The following DTX2 variants were observed in gnomAD, a reference collection of about 807,000 sequenced individuals.
DTX2 encodes the protein probable E3 ubiquitin-protein ligase DTX2.
In DTX2, 29 loss-of-function variants were observed where a neutral mutation model predicts 55.3. The observed-to-expected ratio is 0.52, with a 90% confidence interval of 0.39 to 0.71. The LOEUF is 0.71. Among genes scored for constraint, DTX2 ranks in the 30% least tolerant of loss-of-function variants. The pLI is 0.00. For missense variants in DTX2, 537 were observed against 822.5 expected, an observed-to-expected ratio of 0.65 and a Z score of 4.25; for synonymous variants, 276 against 340.4, an observed-to-expected ratio of 0.81 and a Z score of 2.08.
intron 7 of DTX2, among the ~76,000 whole-genome samples, chr7:76,500,812 G>C (rs1275950930): frequency 6.6e-6 from 1 of 152,068 alleles, no homozygotes; most frequent in East Asian, 1.9e-4. Flanking sequence ...ACAAGGGATG[G>C]GCCAGCCTGC....
intron 4 of DTX2, among the ~76,000 whole-genome samples, chr7:76,484,632 C>G (rs1378909145): frequency 6.6e-6 from 1 of 151,628 alleles, no homozygotes; most frequent in African/African-American, 2.4e-5. Flanking sequence ...TGGCCCTGGT[C>G]GGCATCCTGC....
chr7:76,476,491 G>A (rs536824161), intron 2 of DTX2, among the ~76,000 whole-genome samples: 2 of 152,100 alleles, frequency 1.3e-5, no homozygotes, highest in East Asian at 3.9e-4. Flanking sequence ...CTGCCCTCAG[G>A]GAGTTTCTGT....
chr7:76,499,630 A>T (rs967864691), intron 6 of DTX2, among the ~76,000 whole-genome samples: 1 of 145,940 alleles, frequency 6.9e-6, no homozygotes, highest in African/African-American at 2.5e-5. Context: ...TCACCCCCGC[A>T]CGGGCTTGGC....
Position 76,505,721 on chromosome 7 carries a change from GC to G in DTX2, c.*124del. The G allele has an allele frequency of 2.8e-6, 3 of 1,080,856 alleles. No homozygotes were observed. Among genetic ancestry groups the G allele is most frequent in the Non-Finnish European group, 4.0e-6 (3 of 759,362 alleles). The allele number at this position is 1,080,856 out of a possible 1,614,324, so 67.0% of individuals were successfully genotyped here. On this transcript the variant is annotated 3_prime_UTR_variant, in exon 11 of 11. Transcript: ENST00000430490. The surrounding 1 kb of genome is among the most constrained non-coding windows in gnomAD (Gnocchi z 4.4). ...GAGGTTTGTTGAGGGTGTGGGGTGTGCCCCACCTGAAGCCGGGGCTCCCCCT... is the reference window on the plus strand; with the variant it reads ...GAGGTTTGTTGAGGGTGTGGGGTGTGCCCACCTGAAGCCGGGGCTCCCCCT...
chr7:76,475,020 A>C (rs1808390917), intron 2 of DTX2: 1 of 152,040 alleles, frequency 6.6e-6, no homozygotes, highest in African/African-American at 2.4e-5. Flanking sequence ...GAAAAAAAAA[A>C]CTTTGGCCAG....
In DTX2 at chr7:76,480,703, T is replaced by TG; in HGVS notation, c.197dup (p.Gln67ProfsTer12). 1 of 1,613,706 alleles carries TG rather than the reference T, an allele frequency of 6.2e-7. No individual in the cohort carries two copies. The highest frequency in any genetic ancestry group is 1.1e-5 in the South Asian group (1 of 91,064). On this transcript the variant is annotated frameshift_variant, in exon 3 of 11. Coordinates refer to ENST00000430490, the MANE Select transcript of DTX2 (RefSeq NM_001102594.3). LOFTEE classifies it high-confidence loss of function. ...GGGAGCCTGGCCCACAGCATCCCCT[T>TG]GGGCCAGGCAGACCCCTCGCTGGCC...
chr7:76,466,708 C>T (rs1438292504), intron 2 of DTX2, among the ~76,000 whole-genome samples: 5 of 152,278 alleles, frequency 3.3e-5, no homozygotes, highest in Admixed American at 2.0e-4. Context: ...TCCCGATTCT[C>T]CTGCCTCAGA....
At chr7:76,465,029 C>T (rs1807018828) in intron 2 of DTX2, among the ~76,000 whole-genome samples, 1 of 150,764 alleles carries the variant, frequency 6.6e-6, no homozygotes, top group South Asian at 2.1e-4. Context: ...AACTTCACCT[C>T]CCAGGCTCAA....
intron 2 of DTX2, among the ~76,000 whole-genome samples, chr7:76,479,710 G>A (rs1799178): frequency 0.46 from 66,456 of 144,356 alleles, 12,595 homozygotes; most frequent in South Asian, 0.58. Context: ...GAACCTACCC[G>A]GGAGGTGGAG....
At position 76,505,227 on chromosome 7, in the gene DTX2, C is replaced by G. The variant is rs1424288775; in HGVS notation, c.1642-147C>G. The G allele has an allele frequency of 2.9e-6, 2 of 690,826 alleles. No individual in the cohort carries two copies. The highest frequency in any genetic ancestry group is 5.4e-5 in the East Asian group (2 of 36,862). 42.8% of individuals were successfully genotyped at this position (690,826 alleles called of 1,614,324 possible). A position where few individuals can be genotyped will look rare whatever the true frequency, so the allele number is the denominator to read the frequency against. ...TATCCAGTGGGCAGTTTTGGGGTCC[C>G]TGCAGATGGGGTGAGTGCCAGGGAG... On this transcript the variant is annotated intron_variant, in intron 10 of 10. Coordinates refer to ENST00000430490, the MANE Select transcript of DTX2 (RefSeq NM_001102594.3). This position sits in a 1 kb window ranked among gnomAD's most constrained non-coding sequence, Gnocchi z 4.4.
chr7:76,472,148 T>G (rs1807998283), intron 2 of DTX2: 1 of 151,312 alleles, frequency 6.6e-6, no homozygotes, highest in South Asian at 2.1e-4. Flanking sequence ...TTTGTGGAGC[T>G]CGGGGATGGG....
intron 3 of DTX2, 87 bp from the exon 4 acceptor site, chr7:76,482,421 T>C: frequency 7.4e-7 from 1 of 1,357,434 alleles, no homozygotes; most frequent in Non-Finnish European, 1.0e-6. Context: ...CCTATTTGTT[T>C]ATTTTGGCGG....
intron 2 of DTX2, among the ~76,000 whole-genome samples, chr7:76,468,474 T>TTG (rs1807447291): frequency 1.1e-5 from 1 of 87,800 alleles, no homozygotes; most frequent in Admixed American, 1.4e-4. Flanking sequence ...TTTTTTTTTT[T>TTG]TTGAGATGGA....
rs1812215318 is a variant in DTX2, at chr7:76,505,295, T to C, written c.1642-79T>C. On this transcript the variant is annotated intron_variant, in intron 10 of 10. Coordinates refer to ENST00000430490, the MANE Select transcript of DTX2 (RefSeq NM_001102594.3). This position sits in a 1 kb window ranked among gnomAD's most constrained non-coding sequence, Gnocchi z 4.4. ...AGGGGCTGGGATGGGAAGAACATGG[T>C]GCCAACCCGTGCCTGCTCACTGAGC... 1.6e-6 allele frequency: 2 copies of C among 1,220,440 alleles called. No homozygotes were observed. The highest frequency in any genetic ancestry group is 2.3e-6 in the Non-Finnish European group (2 of 865,060). 75.6% of individuals were successfully genotyped at this position (1,220,440 alleles called of 1,614,324 possible).
At position 76,505,335 on chromosome 7, in the gene DTX2, G is replaced by A. The variant is rs776131330; in HGVS notation, c.1642-39G>A. 1.3e-5 allele frequency: 19 copies of A among 1,517,576 alleles called. No homozygotes were observed. The highest frequency in any genetic ancestry group is 1.7e-4 in the Middle Eastern group (1 of 5,930). 94.0% of individuals were successfully genotyped at this position (1,517,576 alleles called of 1,614,324 possible). A position where few individuals can be genotyped will look rare whatever the true frequency, so the allele number is the denominator to read the frequency against. On this transcript the variant is annotated intron_variant, in intron 10 of 10. Coordinates refer to ENST00000430490, the MANE Select transcript of DTX2 (RefSeq NM_001102594.3). This position sits in a 1 kb window ranked among gnomAD's most constrained non-coding sequence, Gnocchi z 4.4. The stretch of plus-strand genomic sequence containing the variant: ...GCTCACTGAGCCCCTCTCACTCTCC[G>A]TCCCCTCCTTCCTCTTCCCCCTCCT...
In DTX2 at chr7:76,483,115, G is replaced by A. The variant is rs1809507013; in HGVS notation, c.876G>A (p.Leu292=). Residue 292 remains leucine, a synonymous_variant, in exon 4 of 11, where the codon CTG becomes CTA. Coordinates refer to ENST00000430490, the MANE Select transcript of DTX2 (RefSeq NM_001102594.3). ...TCTCCCACCTGGGACCGCAGCACCT[G>A]CCCCCAGGATCCTCCACCTCCGGTG... ...SSLSHLGPQH[L]PPGSSTSGAV... 6.2e-7 allele frequency: 1 copy of A among 1,612,354 alleles called. No individual in the cohort carries two copies. Among genetic ancestry groups the A allele is most frequent in the Non-Finnish European group, 8.5e-7 (1 of 1,179,696 alleles).
At chr7:76,502,075 T>G in intron 7 of DTX2, 1 of 539,498 alleles carries the variant, frequency 1.9e-6, no homozygotes, top group Non-Finnish European at 3.3e-6. Flanking sequence ...TTAGTAGAGA[T>G]GGGGTTTTCC....
intron 2 of DTX2, among the ~76,000 whole-genome samples, chr7:76,468,912 G>A (rs1231599255): frequency 7.5e-6 from 1 of 132,820 alleles, no homozygotes; most frequent in East Asian, 2.3e-4. Flanking sequence ...ACAGGTGCAC[G>A]CCACTACGCC....
chr7:76,465,138 C>G (rs1277650381), intron 2 of DTX2, among the ~76,000 whole-genome samples: 1 of 147,302 alleles, frequency 6.8e-6, no homozygotes, highest in Non-Finnish European at 1.5e-5. Flanking sequence ...CTGGGCACAT[C>G]CAGGCATCGT....
Sources: allele counts gnomAD v4.1 joint callset (sites outside exome capture counted in the v4.1 genomes callset), GRCh38; gene constraint gnomAD v4.1.1; non-coding constraint Gnocchi (gnomAD v3.1); transcripts MANE v1.5; gene names NCBI Gene and HGNC (gene_info 2026-07-23, HGNC 2026-07-21).